The following RGS5 variants were observed in gnomAD, a reference collection of about 807,000 sequenced individuals.
RGS5 encodes the protein regulator of G-protein signalling 5.
In RGS5, 20 loss-of-function variants were observed where a neutral mutation model predicts 18.9. That is an observed-to-expected ratio of 1.06 (90% confidence interval 0.74 to 1.54). The LOEUF (loss-of-function observed/expected upper bound fraction) is 1.54. Ranked by LOEUF, RGS5 falls within the 40% of genes most tolerant of loss-of-function variation. The pLI is 0.00. For synonymous variants in RGS5, 57 were observed against 76.2 expected (o/e 0.75, Z 1.31); for missense variants, 201 against 211.8 (o/e 0.95, Z 0.32).
At chr1:163,294,929 G>T (rs1649386867) in intron 2 of RGS5, among the ~76,000 whole-genome samples, 1 of 152,142 alleles carries the variant, frequency 6.6e-6, no homozygotes, top group Non-Finnish European at 1.5e-5. Flanking sequence ...GCAAAACACT[G>T]CCAGACTCTT....
At chr1:163,149,832 T>C (rs755701308) in intron 4 of RGS5, among the ~76,000 whole-genome samples, 1 of 152,166 alleles carries the variant, frequency 6.6e-6, no homozygotes, top group Non-Finnish European at 1.5e-5. Context: ...AATTAAATAG[T>C]AAATATTTAC....
chr1:163,229,559 C>T (rs1392900228), intron 2 of RGS5, among the ~76,000 whole-genome samples: 1 of 152,204 alleles, frequency 6.6e-6, no homozygotes, highest in Non-Finnish European at 1.5e-5. Context: ...CCAATGACTG[C>T]TACCTCTCTG....
intron 2 of RGS5, among the ~76,000 whole-genome samples, chr1:163,283,280 G>C (rs78185572): frequency 0.088 from 13,453 of 152,076 alleles, 661 homozygotes; most frequent in Middle Eastern, 0.13. Context: ...CTAGAAGACA[G>C]GATTTGAATG....
At chr1:163,268,928 C>T (rs1228881497) in intron 2 of RGS5, among the ~76,000 whole-genome samples, 1 of 152,076 alleles carries the variant, frequency 6.6e-6, no homozygotes, top group Non-Finnish European at 1.5e-5. Flanking sequence ...ATCTGAGGTA[C>T]ATTTTGAATA....
intron 1 of RGS5, among the ~76,000 whole-genome samples, chr1:163,173,318 A>C (rs1658388745): frequency 6.6e-6 from 1 of 152,242 alleles, no homozygotes; most frequent in East Asian, 1.9e-4. Context: ...AGTTTAATTA[A>C]AGGCTCAGAG....
intron 2 of RGS5, among the ~76,000 whole-genome samples, chr1:163,225,430 A>ACTTGTGTTTGGTTTT (rs1350271409): frequency 3.9e-5 from 6 of 152,186 alleles, no homozygotes; most frequent in African/African-American, 1.4e-4. Context: ...TGCAACATAT[A>ACTTGTGTTTGGTTTT]GAATTAAGTC....
chr1:163,305,772 C>A (rs1425871471), intron 2 of RGS5, among the ~76,000 whole-genome samples: 2 of 152,114 alleles, frequency 1.3e-5, no homozygotes, highest in African/African-American at 4.8e-5. Context: ...GTTTGCATCT[C>A]TATCTACTAT....
At chr1:163,282,701 C>A (rs541460758) in intron 2 of RGS5, among the ~76,000 whole-genome samples, 1 of 152,028 alleles carries the variant, frequency 6.6e-6, no homozygotes, top group Admixed American at 6.6e-5. Context: ...GAGAATGTGA[C>A]CCTCCTGTCT....
chr1:163,195,270 T>A (rs539471810), intron 1 of RGS5, among the ~76,000 whole-genome samples: 1 of 152,328 alleles, frequency 6.6e-6, no homozygotes, highest in Admixed American at 6.5e-5. Context: ...TAATGTCGTT[T>A]GCAGCAACTT....
intron 1 of RGS5, among the ~76,000 whole-genome samples, chr1:163,208,347 C>CAAAAAAAAAAAAA (rs55848330): frequency 5.3e-5 from 2 of 37,894 alleles, no homozygotes; most frequent in African/African-American, 1.3e-4. Flanking sequence ...GACTCCGTCT[C>CAAAAAAAAAAAAA]AAAAAAAAAA....
In RGS5 at chr1:163,180,363, G is replaced by A. The variant is rs144171085; in HGVS notation, c.45-11995C>T. Among the ~76,000 whole-genome samples the A allele has an allele frequency of 4.8e-4, 73 of 152,212 alleles. No individual in the cohort carries two copies. The East Asian group carries it at 0.01, about 21-fold the overall frequency. On this transcript the variant is annotated intron_variant, in intron 1 of 4. Coordinates refer to ENST00000313961, the MANE Select transcript of RGS5 (RefSeq NM_003617.4). ...TCTGAATTACTGTAACATCCCACCT[G>A]CCCATTTTCCTCTTCCTATTGCAGT...
intron 1 of RGS5, among the ~76,000 whole-genome samples, chr1:163,169,273 T>C (rs1221063480): frequency 6.6e-6 from 1 of 152,094 alleles, no homozygotes; most frequent in Non-Finnish European, 1.5e-5. Context: ...TGTTGGACAT[T>C]TGGGTTGGTT....
chr1:163,250,637 T>G (rs1224619322), intron 2 of RGS5, among the ~76,000 whole-genome samples: 1 of 152,180 alleles, frequency 6.6e-6, no homozygotes, highest in African/African-American at 2.4e-5. Context: ...GAAATGCCTT[T>G]TACTGCTTAC....
At chr1:163,205,595 T>C (rs995397999), upstream of RGS5, among the ~76,000 whole-genome samples, 1 of 152,022 alleles carries the variant, frequency 6.6e-6, no homozygotes, top group African/African-American at 2.4e-5. Context: ...TGGTACCTAA[T>C]GAAACAGGGG....
In RGS5 at chr1:163,306,089, A is replaced by G. The variant is rs1310911756; in HGVS notation, c.-281+144T>C. 6 of 152,218 alleles carry G rather than the reference A, an allele frequency of 3.9e-5. No homozygotes were observed. In the East Asian group the frequency reaches 1.2e-3, roughly 29 times the overall value. The allele number at this position is 152,218 out of a possible 1,614,324, so 9.4% of individuals were successfully genotyped here. A position where few individuals can be genotyped will look rare whatever the true frequency, so the allele number is the denominator to read the frequency against. On this transcript the variant is annotated intron_variant, in intron 2 of 5. Transcript: ENST00000618415. ...AAAACTTGGGGCTTGGGTACATTTTAATCATTTCTACAATGCTATTCCGTT... is the reference window on the plus strand; with the variant it reads ...AAAACTTGGGGCTTGGGTACATTTTGATCATTTCTACAATGCTATTCCGTT...
At chr1:163,276,333 C>T (rs912395157) in intron 2 of RGS5, among the ~76,000 whole-genome samples, 5 of 152,012 alleles carry the variant, frequency 3.3e-5, no homozygotes, top group African/African-American at 1.2e-4. Context: ...TAAAGAATTT[C>T]CTGCTTCCTG....
intron 1 of RGS5, among the ~76,000 whole-genome samples, chr1:163,314,920 T>A (rs1649979550): frequency 6.6e-6 from 1 of 152,204 alleles, no homozygotes; most frequent in Admixed American, 6.5e-5. Flanking sequence ...CCTCCAGAAC[T>A]GTGAGAAATA....
chr1:163,258,641 G>GTATC (rs1425313631), intron 2 of RGS5, among the ~76,000 whole-genome samples: 1 of 142,756 alleles, frequency 7.0e-6, no homozygotes, highest in East Asian at 2.0e-4. Context: ...TAAAGTAAGT[G>GTATC]TGTCTGTGTG....
intron 2 of RGS5, among the ~76,000 whole-genome samples, chr1:163,163,492 A>T (rs1657900335): frequency 6.6e-6 from 1 of 151,592 alleles, no homozygotes. Context: ...AAGAAAAAAA[A>T]ATGGCATGAA....
Sources: gnomAD v4.1 joint callset for allele counts (sites outside exome capture counted in the v4.1 genomes callset) on GRCh38, gnomAD v4.1.1 for gene constraint, MANE v1.5 for transcripts, NCBI Gene and HGNC (gene_info 2026-07-23, HGNC 2026-07-21) for gene names.